The following NEBL variants were observed in gnomAD, a reference collection of about 807,000 sequenced individuals.
NEBL encodes the protein LIM and SH3 protein 2.
NEBL carries 122 observed loss-of-function variants against 140.2 expected under a neutral mutation model. The ratio of observed to expected loss-of-function variants is 0.87; its 90% CI spans 0.75 to 1.01. NEBL has a LOEUF of 1.01. Among genes scored for constraint, NEBL ranks in the 50% least tolerant of loss-of-function variants. The pLI is 0.00. For synonymous variants in NEBL, 436 were observed against 398.9 expected (o/e 1.09, Z -1.11); for missense variants, 1,365 against 1,231.3 (o/e 1.11, Z -1.62).
At chr10:20,878,979 G>A (rs1242276982) in intron 5 of NEBL, among the ~76,000 whole-genome samples, 1 of 152,156 alleles carries the variant, frequency 6.6e-6, no homozygotes, top group African/African-American at 2.4e-5. Context: ...TGTAACACCA[G>A]ACCTCACCCC....
intron 2 of NEBL, among the ~76,000 whole-genome samples, chr10:21,022,245 G>A (rs1365458518): frequency 3.9e-5 from 6 of 152,028 alleles, no homozygotes; most frequent in Non-Finnish European, 8.8e-5. Flanking sequence ...TCTCCTTTCT[G>A]GTATCCACGT....
At chr10:21,025,802 C>T (rs562837434) in intron 2 of NEBL, among the ~76,000 whole-genome samples, 7 of 152,272 alleles carry the variant, frequency 4.6e-5, no homozygotes, top group East Asian at 1.9e-4. Flanking sequence ...ATAAGAAAAA[C>T]ATAAGAGTAG....
At chr10:21,029,456 C>A (rs1833687017) in intron 2 of NEBL, 4 of 1,611,548 alleles carry the variant, frequency 2.5e-6, no homozygotes, top group Middle Eastern at 2.3e-4. Context: ...CTGCTCAGTG[C>A]CCTGAGTCTC....
At chr10:21,011,799 CCCCACCTGCACA>C (rs1254451626) in intron 3 of NEBL, among the ~76,000 whole-genome samples, 1 of 152,220 alleles carries the variant, frequency 6.6e-6, no homozygotes, top group Admixed American at 6.5e-5. Flanking sequence ...AACCTCTACT[CCCCACCTGCACA>C]TCCACCCCTG....
At chr10:21,045,474 A>T (rs1353896404) in intron 2 of NEBL, among the ~76,000 whole-genome samples, 1 of 152,244 alleles carries the variant, frequency 6.6e-6, no homozygotes, top group Non-Finnish European at 1.5e-5. Context: ...TTGCTTAAAT[A>T]ATCAATCTAC....
At chr10:20,879,680 G>A (rs1007081372) in intron 5 of NEBL, among the ~76,000 whole-genome samples, 2 of 152,130 alleles carry the variant, frequency 1.3e-5, no homozygotes, top group African/African-American at 4.8e-5. Context: ...ATGTGAGATG[G>A]CAACTGTACT....
chr10:20,809,143 A>G (rs1298338004), intron 25 of NEBL, among the ~76,000 whole-genome samples: 4 of 152,194 alleles, frequency 2.6e-5, no homozygotes, highest in African/African-American at 7.2e-5. Flanking sequence ...TTAAATATAG[A>G]GTAGAAATCA....
chr10:20,834,814 A>T (rs1176549383), intron 14 of NEBL, among the ~76,000 whole-genome samples: 2 of 152,208 alleles, frequency 1.3e-5, no homozygotes, highest in Admixed American at 1.3e-4. Context: ...GAAGTTCAAG[A>T]GGTGTAGAGA....
At chr10:21,137,599 CTT>C (rs746111898) in intron 2 of NEBL, among the ~76,000 whole-genome samples, 49 of 152,094 alleles carry the variant, frequency 3.2e-4, no homozygotes, top group Non-Finnish European at 6.2e-4. Flanking sequence ...TTACTACCTC[CTT>C]GGCCACTTCT....
At position 21,125,887 on chromosome 10, in the gene NEBL, T is replaced by C. The variant is rs142693565; in HGVS notation, c.164+46496A>G. 8.9e-5 allele frequency: 144 copies of C among 1,614,192 alleles called. No individual in the cohort carries two copies. In the African/African-American group the frequency reaches 1.8e-3, roughly 21 times the overall value. ...GAACTTTTCTTTTATGCCCTGGAAT[T>C]TAAATCCATGCTTCCCTTTGGTTAT... On this transcript the variant is annotated intron_variant, in intron 2 of 6. Transcript: ENST00000417816.
rs1410690393 is a variant in NEBL at position 20,819,301 on chromosome 10, T to G, written c.2055+123A>C. 3 of 1,451,292 alleles carry G rather than the reference T, an allele frequency of 2.1e-6. No individual in the cohort carries two copies. The African/African-American group carries it at 4.2e-5, about 20-fold the overall frequency. 89.9% of individuals were successfully genotyped at this position (1,451,292 alleles called of 1,614,324 possible). A position where few individuals can be genotyped will look rare whatever the true frequency, so the allele number is the denominator to read the frequency against. ...TCTCATCATTTAGCTCTCATTATTATGCAGTATTTGGTTTTACGTTCCTGT... is the reference window on the plus strand; with the variant it reads ...TCTCATCATTTAGCTCTCATTATTAGGCAGTATTTGGTTTTACGTTCCTGT... On this transcript the variant is annotated intron_variant, in intron 20 of 27. Coordinates refer to ENST00000377122, the MANE Select transcript of NEBL (RefSeq NM_006393.3).
rs962189496 is a variant in NEBL at position 20,889,902 on chromosome 10, A to G, written c.201T>C (p.Phe67=). Residue 67 remains phenylalanine, a synonymous_variant, in exon 3 of 28, where the codon TTT becomes TTC. Transcript: ENST00000377122. ...EFKKSKDKCT[F]VTDSPMLNHV... ...GGTTTAGCATAGGACTGTCAGTCAC[A>G]AATGTACACTTATCCTTGGACTTTT... The G allele has an allele frequency of 3.2e-5, 51 of 1,612,720 alleles. No homozygotes were observed. The highest frequency in any genetic ancestry group is 4.3e-5 in the Non-Finnish European group (51 of 1,178,972).
chr10:20,805,180 C>T (rs911516201), intron 26 of NEBL, among the ~76,000 whole-genome samples: 2 of 152,108 alleles, frequency 1.3e-5, no homozygotes, highest in African/African-American at 2.4e-5. Flanking sequence ...GTAGTTGTCA[C>T]TTAGCAAACT....
chr10:21,098,939 C>T (rs1589232273), intron 2 of NEBL, among the ~76,000 whole-genome samples: 1 of 152,060 alleles, frequency 6.6e-6, no homozygotes, highest in African/African-American at 2.4e-5. Context: ...GAGTTCGAGA[C>T]CAGCCTGGGC....
chr10:20,888,020 T>C, intron 4 of NEBL, 77 bp downstream of exon 4: 1 of 1,049,108 alleles, frequency 9.5e-7, no homozygotes. Flanking sequence ...GAAAACGTTT[T>C]ATTAAAACGC....
chr10:21,160,848 A>G (rs11599589), intron 2 of NEBL, among the ~76,000 whole-genome samples: 24,127 of 141,590 alleles, frequency 0.17, 2,054 homozygotes, highest in East Asian at 0.37. Context: ...GAAGCCATCA[A>G]ACTTATTTCC....
At chr10:20,811,770 T>C (rs1838171446) in intron 24 of NEBL, among the ~76,000 whole-genome samples, 1 of 152,212 alleles carries the variant, frequency 6.6e-6, no homozygotes. Context: ...ACACTGATAT[T>C]ACTGAGTGGC....
intron 2 of NEBL, among the ~76,000 whole-genome samples, chr10:21,080,164 G>A (rs574146815): frequency 6.6e-6 from 1 of 152,186 alleles, no homozygotes; most frequent in African/African-American, 2.4e-5. Flanking sequence ...ATAAAATATG[G>A]CTGACCATAA....
chr10:20,842,760 A>G (rs1305427050), intron 12 of NEBL, among the ~76,000 whole-genome samples: 1 of 151,942 alleles, frequency 6.6e-6, no homozygotes, highest in African/African-American at 2.4e-5. Context: ...ACTCTTAGCA[A>G]TTTTGAAGTG....
Sources: gnomAD v4.1 joint callset for allele counts (sites outside exome capture counted in the v4.1 genomes callset) on GRCh38, gnomAD v4.1.1 for gene constraint, MANE v1.5 for transcripts, NCBI Gene and HGNC (gene_info 2026-07-23, HGNC 2026-07-21) for gene names.